The following HEPHL1 variants were observed in gnomAD, a reference collection of about 807,000 sequenced individuals.
HEPHL1 encodes the protein hephaestin like 1.
HEPHL1 carries 123 observed loss-of-function variants against 122.0 expected under a neutral mutation model. The observed-to-expected ratio is 1.01, with a 90% confidence interval of 0.87 to 1.17. The LOEUF (loss-of-function observed/expected upper bound fraction) is 1.17, where lower values mean the gene tolerates loss of function less well. Ranked by LOEUF, HEPHL1 falls within the 50% of genes most tolerant of loss-of-function variation. The pLI, the probability that HEPHL1 is intolerant of heterozygous loss-of-function variation, is 0.00. For synonymous variants in HEPHL1, 527 were observed against 508.9 expected, an observed-to-expected ratio of 1.04 and a Z score of -0.48; for missense variants, 1,452 against 1,430.5, an observed-to-expected ratio of 1.01 and a Z score of -0.24.
chr11:94,046,578 C>T (rs1321580185), intron 2 of HEPHL1, among the ~76,000 whole-genome samples: 2 of 148,244 alleles, frequency 1.3e-5, no homozygotes, highest in East Asian at 2.0e-4. Context: ...CTCCTATCTC[C>T]GGTAGCAGCC....
chr11:94,099,157 G>A (rs1025243109), intron 13 of HEPHL1, among the ~76,000 whole-genome samples: 4 of 152,104 alleles, frequency 2.6e-5, no homozygotes, highest in African/African-American at 9.7e-5. Flanking sequence ...TCTACCTTTG[G>A]TCTTTGATGA....
intron 9 of HEPHL1, among the ~76,000 whole-genome samples, chr11:94,078,824 T>C (rs1591480181): frequency 6.6e-6 from 1 of 152,094 alleles, no homozygotes; most frequent in East Asian, 1.9e-4. Flanking sequence ...TTTTATTCAG[T>C]CTACTGATTC....
intron 9 of HEPHL1, among the ~76,000 whole-genome samples, chr11:94,078,446 C>CATATATATATATATATATATATAT (rs6144452): frequency 1.7e-4 from 19 of 111,542 alleles, no homozygotes; most frequent in South Asian, 5.6e-4. Context: ...TCAGATGTTC[C>CATATATATATATATATATATATAT]ATATATATAT....
chr11:94,085,563 C>G (rs1051768863), intron 10 of HEPHL1, among the ~76,000 whole-genome samples: 4 of 152,070 alleles, frequency 2.6e-5, no homozygotes, highest in African/African-American at 9.7e-5. Context: ...AAATGCAAAG[C>G]CCACTGGCAA....
chr11:94,110,549 A>T (rs994938920), intron 17 of HEPHL1, among the ~76,000 whole-genome samples: 2 of 152,182 alleles, frequency 1.3e-5, no homozygotes, highest in Non-Finnish European at 2.9e-5. Flanking sequence ...ATGATAACCT[A>T]ATCTTGGAAT....
At chr11:94,074,184 A>T (rs983019847) in intron 8 of HEPHL1, among the ~76,000 whole-genome samples, 9 of 152,100 alleles carry the variant, frequency 5.9e-5, no homozygotes, top group Non-Finnish European at 2.9e-5. Flanking sequence ...CAGAAGAGAA[A>T]GGAATGGAAG....
chr11:94,103,712 G>A (rs1946387910), intron 15 of HEPHL1, among the ~76,000 whole-genome samples: 1 of 152,140 alleles, frequency 6.6e-6, no homozygotes. Context: ...GATGTAAAAT[G>A]TAAGCATTGC....
intron 13 of HEPHL1, among the ~76,000 whole-genome samples, chr11:94,096,193 C>T (rs1456832329): frequency 6.6e-6 from 1 of 152,186 alleles, no homozygotes; most frequent in African/African-American, 2.4e-5. Context: ...AGATACATCC[C>T]ATGAATACCT....
intron 2 of HEPHL1, among the ~76,000 whole-genome samples, chr11:94,047,880 TA>T (rs1945854522): frequency 6.6e-6 from 1 of 152,306 alleles, no homozygotes; most frequent in South Asian, 2.1e-4. Flanking sequence ...CATATGAACA[TA>T]AAATTTACCA....
intron 17 of HEPHL1, among the ~76,000 whole-genome samples, chr11:94,106,724 A>G (rs1025609623): frequency 6.6e-6 from 1 of 152,156 alleles, no homozygotes; most frequent in Non-Finnish European, 1.5e-5. Flanking sequence ...TTAATATTGT[A>G]TATGAAACCA....
At chr11:94,045,543 A>G (rs1945826229) in intron 1 of HEPHL1, 130 bp from the exon 2 acceptor site, 1 of 744,296 alleles carries the variant, frequency 1.3e-6, no homozygotes. Flanking sequence ...TCCGAGCCCT[A>G]CAGAGGTTGC....
Position 94,088,830 on chromosome 11 carries a change from G to A in HEPHL1, c.2156G>A (p.Cys719Tyr). ...GGTCAGATCTATGAGGTCAGCAGCT[G>A]TGACAACAGGGACCCTTCTGAGCAG... ...GMGQIYEVSS[C>Y]DNRDPSEQRY... is the part of the protein sequence containing the mutation. Residue 719 changes from cysteine (C) to tyrosine (Y), a missense_variant, in exon 12 of 20, where the codon TGT (cysteine) becomes TAT (tyrosine). Cys to Tyr is a radical substitution (Grantham distance 194). Coordinates refer to ENST00000315765, the MANE Select transcript of HEPHL1 (RefSeq NM_001098672.2). 1 of 1,614,038 alleles carries A rather than the reference G, an allele frequency of 6.2e-7. No homozygotes were observed. The highest frequency in any genetic ancestry group is 2.2e-5 in the East Asian group (1 of 44,886).
At chr11:94,030,396 G>A (rs185442828) in intron 1 of HEPHL1, among the ~76,000 whole-genome samples, 3 of 152,282 alleles carry the variant, frequency 2.0e-5, no homozygotes, top group Admixed American at 6.5e-5. Flanking sequence ...GGTTTAAATC[G>A]ATTAAAGATT....
chr11:94,088,137 T>C (rs551627204), intron 11 of HEPHL1, among the ~76,000 whole-genome samples: 1 of 152,328 alleles, frequency 6.6e-6, no homozygotes, highest in South Asian at 2.1e-4. Context: ...GACAGGATTG[T>C]CAGTATTATG....
chr11:94,069,363 C>T (rs1172802228), intron 5 of HEPHL1, among the ~76,000 whole-genome samples: 1 of 152,104 alleles, frequency 6.6e-6, no homozygotes, highest in Non-Finnish European at 1.5e-5. Context: ...CCAAGCAATC[C>T]TCCCACCTTA....
In HEPHL1 at chr11:94,106,097, C is replaced by T. The variant is rs184781718; in HGVS notation, c.3012C>T (p.Thr1004=). The T allele has an allele frequency of 3.8e-6, 6 of 1,580,240 alleles. No homozygotes were observed. Among genetic ancestry groups the T allele is most frequent in the Non-Finnish European group, 1.7e-6 (2 of 1,158,220 alleles). Residue 1004 remains threonine (T), a synonymous_variant, in exon 17 of 20, where the codon ACC becomes ACT. Coordinates refer to ENST00000315765, the MANE Select transcript of HEPHL1 (RefSeq NM_001098672.2). ...LGIGSEVDIH[T]IHYHAESFLF... ...TAGGAAGTGAAGTGGACATACATAC[C>T]ATCCATTATCATGCTGAGAGCTTTC...
intron 12 of HEPHL1, 72 bp downstream of exon 12, chr11:94,089,040 C>A: frequency 7.4e-7 from 1 of 1,344,798 alleles, no homozygotes; most frequent in Non-Finnish European, 1.1e-6. Context: ...GTAAGTGTGG[C>A]TCCCTGCAAA....
At chr11:94,097,114 G>A (rs144687848) in intron 13 of HEPHL1, among the ~76,000 whole-genome samples, 173 of 152,268 alleles carry the variant, frequency 1.1e-3, no homozygotes, top group African/African-American at 3.4e-3. Flanking sequence ...TGCTGTTAGT[G>A]TGTCAATTTT....
intron 2 of HEPHL1, among the ~76,000 whole-genome samples, chr11:94,057,906 A>T (rs1196262472): frequency 6.6e-6 from 1 of 151,430 alleles, no homozygotes; most frequent in Non-Finnish European, 1.5e-5. Context: ...CTGGATTCTC[A>T]TTCCTTCATC....
Sources: gnomAD v4.1 joint callset for allele counts (sites outside exome capture counted in the v4.1 genomes callset) on GRCh38, gnomAD v4.1.1 for gene constraint, MANE v1.5 for transcripts, NCBI Gene and HGNC (gene_info 2026-07-23, HGNC 2026-07-21) for gene names.